DNAAF4: variants seen among roughly 807,000 people sequenced by gnomAD.
The protein encoded by DNAAF4 is dynein assembly factor 4, axonemal.
In DNAAF4, 43 loss-of-function variants were observed where a neutral mutation model predicts 51.8. That is an observed-to-expected ratio of 0.83 (90% CI 0.65 to 1.07). DNAAF4 has a LOEUF of 1.07. DNAAF4 is among the 50% of genes least tolerant of loss of function. The pLI, the probability that DNAAF4 is intolerant of heterozygous loss-of-function variation, is 0.00. For missense variants in DNAAF4, 581 were observed against 493.0 expected, an observed-to-expected ratio of 1.18 and a Z score of -1.69; for synonymous variants, 194 against 165.6, an observed-to-expected ratio of 1.17 and a Z score of -1.32.
In DNAAF4 at chr15:55,473,295, G is replaced by GTGTGTATATATACA. The variant is rs1280532669; in HGVS notation, c.406-6135_406-6134insTGTATATATACACA. ...TGTGTATATATATGTGTATATATAT[G>GTGTGTATATATACA]TGTATATATATGTGTGTATATATGT... On this transcript the variant is annotated intron_variant, in intron 4 of 9. Coordinates refer to ENST00000321149, the MANE Select transcript of DNAAF4 (RefSeq NM_130810.4). 2.3e-5 allele frequency among the ~76,000 whole-genome samples: 3 copies of GTGTGTATATATACA among 128,912 alleles called. 1 individual carries two copies. Among genetic ancestry groups the GTGTGTATATATACA allele is most frequent in the African/African-American group, 9.1e-5 (3 of 33,116 alleles). 84.6% of individuals were successfully genotyped at this position (128,912 alleles called of 152,430 possible).
At chr15:55,479,337 A>G (rs1053171042) in intron 4 of DNAAF4, among the ~76,000 whole-genome samples, 1 of 151,996 alleles carries the variant, frequency 6.6e-6, no homozygotes, top group Non-Finnish European at 1.5e-5. Flanking sequence ...TAATATGGAC[A>G]TTTATCAGTT....
At chr15:55,418,239 C>A in intron 7 of DNAAF4, 1 of 1,567,260 alleles carries the variant, frequency 6.4e-7, no homozygotes, top group Non-Finnish European at 8.7e-7. Flanking sequence ...AAAAGTACTT[C>A]ACCTTCAAAT....
chr15:55,467,069 T>C lies in DNAAF4; in HGVS notation c.498A>G (p.Gln166=). 3 of 1,552,672 alleles carry C rather than the reference T, an allele frequency of 1.9e-6. No homozygotes were observed. ...TTTTTTTTTGCTCCTCAGCTTTTCTTTGATATTCTTTCCAGGCTTCCAATG... is the reference window on the plus strand; with the variant it reads ...TTTTTTTTTGCTCCTCAGCTTTTCTCTGATATTCTTTCCAGGCTTCCAATG... ...TKALEAWKEY[Q]RKAEEQKKIQ... is the part of the protein sequence containing the mutation. The change falls in exon 5 of 10, where the codon CAA becomes CAG. Residue 166 remains glutamine, a synonymous_variant. Coordinates refer to ENST00000321149, the MANE Select transcript of DNAAF4 (RefSeq NM_130810.4).
intron 6 of DNAAF4, 106 bp downstream of exon 6, chr15:55,450,116 T>C: frequency 1.6e-6 from 2 of 1,212,148 alleles, no homozygotes. Flanking sequence ...ATTTCTTTAG[T>C]GTAATAAATA....
At chr15:55,445,819 G>T (rs1212419494) in intron 6 of DNAAF4, among the ~76,000 whole-genome samples, 1 of 132,216 alleles carries the variant, frequency 7.6e-6, no homozygotes, top group East Asian at 2.5e-4. Flanking sequence ...GGTGGCGGCC[G>T]GGCAGAGGCG....
chr15:55,502,793 T>G (rs185993848), intron 1 of DNAAF4, among the ~76,000 whole-genome samples: 7 of 152,312 alleles, frequency 4.6e-5, no homozygotes, highest in African/African-American at 1.7e-4. Context: ...GGGAAATTTA[T>G]AGCACTAAAT....
At chr15:55,446,356 G>A (rs2057814361) in intron 6 of DNAAF4, among the ~76,000 whole-genome samples, 1 of 115,220 alleles carries the variant, frequency 8.7e-6, no homozygotes, top group African/African-American at 3.5e-5. Context: ...TGGCCAGGCA[G>A]AGGCACTCCT....
chr15:55,463,626 A>C (rs1442745837), intron 5 of DNAAF4, among the ~76,000 whole-genome samples: 1 of 152,230 alleles, frequency 6.6e-6, no homozygotes, highest in East Asian at 1.9e-4. Flanking sequence ...AATCAGTAGC[A>C]CTACTATACA....
intron 4 of DNAAF4, chr15:55,490,915 C>G: frequency 2.1e-6 from 1 of 465,364 alleles, no homozygotes; most frequent in East Asian, 3.7e-5. Flanking sequence ...GATCACCGCA[C>G]TGCACTCCAG....
chr15:55,455,387 A>AATAC (rs2058003286), intron 5 of DNAAF4, among the ~76,000 whole-genome samples: 1 of 127,374 alleles, frequency 7.9e-6, no homozygotes, highest in Non-Finnish European at 1.6e-5. Context: ...TAGCAAATTG[A>AATAC]ATATATATAT....
chr15:55,476,921 C>T lies in DNAAF4; in HGVS notation c.406-9760G>A, dbSNP rs1181385593. ...CATGGTGGCTCACGCCTGTAATCCCCGAACTTTGGGAGGCCAAGGCGGGTG... is the reference window on the plus strand; with the variant it reads ...CATGGTGGCTCACGCCTGTAATCCCTGAACTTTGGGAGGCCAAGGCGGGTG... On this transcript the variant is annotated intron_variant, in intron 4 of 9. Transcript: ENST00000321149. 4.6e-5 allele frequency among the ~76,000 whole-genome samples: 7 copies of T among 152,008 alleles called. No individual in the cohort carries two copies. The East Asian group carries it at 5.8e-4, about 13-fold the overall frequency.
chr15:55,473,219 A>G (rs867932697), intron 4 of DNAAF4, among the ~76,000 whole-genome samples: 41 of 113,482 alleles, frequency 3.6e-4, no homozygotes, highest in Admixed American at 7.1e-4. Flanking sequence ...ATATATATAT[A>G]TATGTGTGTG....
chr15:55,479,847 C>T (rs990291892), intron 4 of DNAAF4, among the ~76,000 whole-genome samples: 9 of 152,156 alleles, frequency 5.9e-5, no homozygotes, highest in African/African-American at 1.9e-4. Flanking sequence ...GGGGGAAAAA[C>T]TCCACCCTCG....
chr15:55,437,128 T>C (rs2057625933), intron 7 of DNAAF4, among the ~76,000 whole-genome samples: 1 of 152,168 alleles, frequency 6.6e-6, no homozygotes, highest in African/African-American at 2.4e-5. Context: ...TATTACCTTG[T>C]TCTTATCCAT....
intron 4 of DNAAF4, among the ~76,000 whole-genome samples, chr15:55,475,512 GA>G (rs2058324271): frequency 6.6e-6 from 1 of 152,082 alleles, no homozygotes. Flanking sequence ...AAAATGCTTG[GA>G]ACTAGAAGTG....
chr15:55,469,291 T>A (rs1321750738), intron 4 of DNAAF4, among the ~76,000 whole-genome samples: 1 of 149,804 alleles, frequency 6.7e-6, no homozygotes, highest in Non-Finnish European at 1.5e-5. Context: ...GATAAAGCCA[T>A]TGCACTCAAA....
chr15:55,435,236 G>A (rs768286700), intron 7 of DNAAF4, among the ~76,000 whole-genome samples, 178 bp from the exon 8 acceptor site: 1 of 152,040 alleles, frequency 6.6e-6, no homozygotes, highest in South Asian at 2.1e-4. Context: ...CATTTGAATG[G>A]AATGGACCTC....
chr15:55,452,918 C>T (rs1182225205), intron 5 of DNAAF4, among the ~76,000 whole-genome samples: 2 of 152,110 alleles, frequency 1.3e-5, no homozygotes, highest in African/African-American at 4.8e-5. Flanking sequence ...TAGGACCTCC[C>T]GGGTTCAAGC....
intron 7 of DNAAF4, chr15:55,418,531 C>A (rs1279872289): frequency 1.3e-6 from 2 of 1,512,374 alleles, no homozygotes; most frequent in Middle Eastern, 1.7e-4. Context: ...CTGACAGAAC[C>A]AGAACTCTTG....
Sources: allele counts gnomAD v4.1 joint callset (sites outside exome capture counted in the v4.1 genomes callset), GRCh38; gene constraint gnomAD v4.1.1; transcripts MANE v1.5; gene names NCBI Gene and HGNC (gene_info 2026-07-23, HGNC 2026-07-21).